The following SCHIP1 variants were observed in gnomAD, a reference collection of about 807,000 sequenced individuals.
The protein encoded by SCHIP1 is schwannomin-interacting protein 1.
SCHIP1 carries 8 observed loss-of-function variants against 29.7 expected under a neutral mutation model. That is an observed-to-expected ratio of 0.27 (90% CI 0.16 to 0.49). SCHIP1 has a LOEUF of 0.49. Among genes scored for constraint, SCHIP1 ranks in the 20% least tolerant of loss-of-function variants. SCHIP1 has a pLI of 0.99. For synonymous variants in SCHIP1, 76 were observed against 94.9 expected (o/e 0.80, Z 1.16); for missense variants, 193 against 294.6 (o/e 0.66, Z 2.52).
the SCHIP1 span, among the ~76,000 whole-genome samples, chr3:159,325,336 T>G: frequency 6.6e-6 from 1 of 152,184 alleles, no homozygotes; most frequent in Non-Finnish European, 1.5e-5. Context: ...GCAACACACT[T>G]GTAAGCCAGA....
chr3:159,895,117 C>A (rs1054554957), intron 6 of SCHIP1, among the ~76,000 whole-genome samples: 1 of 152,116 alleles, frequency 6.6e-6, no homozygotes, highest in South Asian at 2.1e-4. Context: ...GAGTTAGTCA[C>A]GAAAATGTTT....
chr3:159,875,599 CAT>C (rs77745569), intron 2 of SCHIP1, among the ~76,000 whole-genome samples: 1 of 152,198 alleles, frequency 6.6e-6, no homozygotes, highest in East Asian at 1.9e-4. Flanking sequence ...TGGTCCTATA[CAT>C]GTGTCTAGAC....
At chr3:159,448,097 C>T in the SCHIP1 span, among the ~76,000 whole-genome samples, 1 of 152,132 alleles carries the variant, frequency 6.6e-6, no homozygotes, top group Non-Finnish European at 1.5e-5. Flanking sequence ...AGCTTCCAGT[C>T]AGGATAATAA....
chr3:159,569,796 C>A, the SCHIP1 span, among the ~76,000 whole-genome samples: 8 of 152,232 alleles, frequency 5.3e-5, no homozygotes, highest in African/African-American at 1.9e-4. Flanking sequence ...CAATTAAAAG[C>A]TTTCCTATTT....
the SCHIP1 span, among the ~76,000 whole-genome samples, chr3:159,425,469 A>G: frequency 1.3e-5 from 2 of 152,100 alleles, no homozygotes; most frequent in East Asian, 1.9e-4. Flanking sequence ...TGGTAAAGGG[A>G]TCAATTCAAC....
chr3:159,830,454 T>A, the SCHIP1 span, among the ~76,000 whole-genome samples: 2,002 of 152,292 alleles, frequency 0.013, 39 homozygotes, highest in African/African-American at 0.046. Context: ...CAGGAAACTA[T>A]TTTTTTCATA....
the SCHIP1 span, among the ~76,000 whole-genome samples, chr3:159,711,218 G>GGGTAGGTATTAGTAA: frequency 8.6e-5 from 7 of 81,684 alleles, no homozygotes; most frequent in African/African-American, 7.8e-4. Flanking sequence ...AAAATTAGCC[G>GGGTAGGTATTAGTAA]GGCGTAGTGG....
At chr3:159,335,788 G>A in the SCHIP1 span, among the ~76,000 whole-genome samples, 1 of 152,132 alleles carries the variant, frequency 6.6e-6, no homozygotes, top group Non-Finnish European at 1.5e-5. Context: ...ATTGTGAATA[G>A]TGCCGCAATA....
chr3:159,720,044 T>C, the SCHIP1 span, among the ~76,000 whole-genome samples: 1 of 152,172 alleles, frequency 6.6e-6, no homozygotes, highest in Non-Finnish European at 1.5e-5. Context: ...TGGAATACTA[T>C]GCAGCCATAA....
the SCHIP1 span, among the ~76,000 whole-genome samples, chr3:159,691,397 A>T: frequency 1.4e-5 from 2 of 146,050 alleles, no homozygotes; most frequent in Non-Finnish European, 3.0e-5. Flanking sequence ...TTTATCAGAG[A>T]CTAGGATTGC....
the SCHIP1 span, among the ~76,000 whole-genome samples, chr3:159,331,931 A>G: frequency 3.3e-5 from 5 of 152,170 alleles, no homozygotes; most frequent in African/African-American, 4.8e-5. Context: ...CTCACCATAT[A>G]CTGTGCATGC....
At chr3:159,477,490 G>A in the SCHIP1 span, among the ~76,000 whole-genome samples, 1 of 152,116 alleles carries the variant, frequency 6.6e-6, no homozygotes, top group Non-Finnish European at 1.5e-5. Context: ...ACAGGTGTGA[G>A]ATGGTATCTC....
the SCHIP1 span, among the ~76,000 whole-genome samples, chr3:159,720,630 G>C: frequency 6.6e-6 from 1 of 151,682 alleles, no homozygotes; most frequent in Non-Finnish European, 1.5e-5. Context: ...TGCCACCCAG[G>C]CTGGAGTGCA....
the SCHIP1 span, among the ~76,000 whole-genome samples, chr3:159,507,467 C>A: frequency 6.6e-6 from 1 of 152,160 alleles, no homozygotes; most frequent in Non-Finnish European, 1.5e-5. Context: ...TTTCCTTCTC[C>A]TGCCTGATTG....
the SCHIP1 span, among the ~76,000 whole-genome samples, chr3:159,331,960 A>G: frequency 6.6e-6 from 1 of 152,090 alleles, no homozygotes; most frequent in Non-Finnish European, 1.5e-5. Context: ...GTCTTTGTGT[A>G]GGCTCCACCT....
chr3:159,728,103 G>T, the SCHIP1 span, among the ~76,000 whole-genome samples: 1 of 151,676 alleles, frequency 6.6e-6, no homozygotes, highest in Non-Finnish European at 1.5e-5. Context: ...TATGTAAGCT[G>T]CATGATGTCA....
At chr3:159,349,535 A>T in the SCHIP1 span, among the ~76,000 whole-genome samples, 1 of 152,056 alleles carries the variant, frequency 6.6e-6, no homozygotes, top group Non-Finnish European at 1.5e-5. Context: ...TATGTCAAAA[A>T]CTCACCCCAC....
At chr3:159,831,401 G>A in the SCHIP1 span, among the ~76,000 whole-genome samples, 1 of 151,998 alleles carries the variant, frequency 6.6e-6, no homozygotes, top group Non-Finnish European at 1.5e-5. Context: ...GGCCTGCCAG[G>A]GATACTTTCC....
chr3:159,499,748 G>T, the SCHIP1 span, among the ~76,000 whole-genome samples: 14 of 152,088 alleles, frequency 9.2e-5, no homozygotes, highest in African/African-American at 2.7e-4. Context: ...ACAAGTGAAA[G>T]GTATTATGCT....
Sources: gnomAD v4.1 joint callset for allele counts (sites outside exome capture counted in the v4.1 genomes callset) on GRCh38, gnomAD v4.1.1 for gene constraint, MANE v1.5 for transcripts, NCBI Gene and HGNC (gene_info 2026-07-23, HGNC 2026-07-21) for gene names.